Variants in RAB40C observed in about 807,000 individuals in gnomAD.
The protein encoded by RAB40C is RAB40C, member RAS oncogene family.
A neutral mutation model predicts 28.1 loss-of-function variants in RAB40C; 8 were observed. That is an observed-to-expected ratio of 0.28 (90% CI 0.17 to 0.51). The LOEUF is 0.51. Ranked by LOEUF, RAB40C falls within the 20% of genes least tolerant of loss-of-function variation. The pLI is 0.97. For missense variants in RAB40C, 288 were observed against 405.9 expected (o/e 0.71, Z 2.50); for synonymous variants, 201 against 171.7 (o/e 1.17, Z -1.34).
chr16:592,220 G>A (rs139992748), intron 1 of RAB40C, among the ~76,000 whole-genome samples: 1 of 152,250 alleles, frequency 6.6e-6, no homozygotes, highest in African/African-American at 2.4e-5. Flanking sequence ...CTGTCTGACT[G>A]CCCTGAGCGT....
chr16:619,410 G>A (rs535862993), intron 3 of RAB40C, among the ~76,000 whole-genome samples: 10 of 152,286 alleles, frequency 6.6e-5, no homozygotes, highest in Non-Finnish European at 1.3e-4. Flanking sequence ...TGGTGGGTGC[G>A]CTTGGCCACC....
Position 627,616 on chromosome 16 carries a change from C to A in RAB40C, c.840C>A (p.Ile280=), listed in dbSNP as rs186820807. The change falls in exon 6 of 6, where the codon ATC becomes ATA. Residue 280 remains isoleucine (I), a synonymous_variant. Transcript: ENST00000248139. ...ACTGCTCGCGGAGTAACTGCAAGAT[C>A]TCCTAGCGGGGATGGGCGGGGCCGC... is the stretch of plus-strand genomic sequence containing the variant. ...PQNCSRSNCK[I]S 4.4e-6 allele frequency: 7 copies of A among 1,580,882 alleles called. No homozygotes were observed. Among genetic ancestry groups the A allele is most frequent in the Non-Finnish European group, 6.0e-6 (7 of 1,160,984 alleles).
At chr16:625,773 T>C in intron 4 of RAB40C, 126 bp from the exon 5 acceptor site, 6 of 1,031,678 alleles carry the variant, frequency 5.8e-6, no homozygotes, top group Non-Finnish European at 7.1e-6. Context: ...CACCTTGACC[T>C]CCGCCCACCT....
chr16:591,886 C>T (rs1013915269), intron 1 of RAB40C, among the ~76,000 whole-genome samples: 3 of 152,218 alleles, frequency 2.0e-5, no homozygotes, highest in African/African-American at 7.2e-5. Context: ...TGAGCCACTG[C>T]GCCTGGCCTG....
At chr16:618,364 T>G in intron 3 of RAB40C, 104 bp downstream of exon 3, 1 of 1,135,190 alleles carries the variant, frequency 8.8e-7, no homozygotes, top group African/African-American at 1.6e-5. Flanking sequence ...ACTTTCTTTC[T>G]TTATAAGGAT....
Position 590,378 on chromosome 16 carries a change from G to C in RAB40C, c.87G>C (p.Glu29Asp). 2 of 1,597,800 alleles carry C rather than the reference G, an allele frequency of 1.3e-6. No homozygotes were observed. Among genetic ancestry groups the C allele is most frequent in the Non-Finnish European group, 1.7e-6 (2 of 1,173,752 alleles). The stretch of plus-strand genomic sequence containing the variant: ...GCGACAGCGACGTGGGCAAGGGCGA[G>C]ATCCTGGAGAGCCTGCAGGACGGCG... ...LVGDSDVGKG[E>D]ILESLQDGAA... The change falls in exon 1 of 6, where the codon GAG becomes GAC. Residue 29 changes from glutamate (E) to aspartate (D), a missense_variant. Physicochemically the swap from Glu to Asp is conservative, Grantham distance 45. Around this residue, in one of 3 missense-constraint regions of RAB40C, gnomAD observed 78 missense variants for 88.2 expected, o/e 0.88. Coordinates refer to ENST00000248139, the MANE Select transcript of RAB40C (RefSeq NM_021168.5).
At chr16:621,068 C>T (rs912398822) in intron 3 of RAB40C, among the ~76,000 whole-genome samples, 4 of 152,256 alleles carry the variant, frequency 2.6e-5, no homozygotes, top group Admixed American at 6.5e-5. Context: ...GTCTTGTTAA[C>T]TCTGGAAATT....
chr16:609,873 G>T (rs58060434), intron 1 of RAB40C, among the ~76,000 whole-genome samples: 15 of 152,174 alleles, frequency 9.9e-5, no homozygotes, highest in East Asian at 5.8e-4. Context: ...GTGCCTGGAG[G>T]GGGGAGCTGA....
intron 1 of RAB40C, among the ~76,000 whole-genome samples, chr16:607,648 A>G (rs1386991536): frequency 1.5e-5 from 2 of 132,552 alleles, no homozygotes; most frequent in South Asian, 2.4e-4. Flanking sequence ...AAAATTAGGC[A>G]GGCGCGGTGG....
chr16:608,103 GAA>G (rs1457763927), intron 1 of RAB40C, among the ~76,000 whole-genome samples: 1 of 152,200 alleles, frequency 6.6e-6, no homozygotes, highest in East Asian at 1.9e-4. Context: ...CATTTGTAAA[GAA>G]AAGAGGTTTA....
chr16:616,943 G>T, intron 1 of RAB40C: 2 of 474,500 alleles, frequency 4.2e-6, no homozygotes, highest in East Asian at 7.1e-5. Context: ...CTAGGCTGTG[G>T]GGCCCGATGG....
At chr16:619,947 G>A (rs1045511722) in intron 3 of RAB40C, among the ~76,000 whole-genome samples, 28 of 152,232 alleles carry the variant, frequency 1.8e-4, no homozygotes, top group South Asian at 4.1e-4. Context: ...GAGTTCCCTC[G>A]GAGATGTTGG....
chr16:618,333 TGTC>T (rs1357441256), intron 3 of RAB40C, 73 bp downstream of exon 3: 2 of 1,431,490 alleles, frequency 1.4e-6, no homozygotes, highest in Non-Finnish European at 1.9e-6. Context: ...TGTGAGTTGT[TGTC>T]CTGTCAAACT....
At position 626,120 on chromosome 16, in the gene RAB40C, A is replaced by G; in HGVS notation, c.564A>G (p.Arg188=). The G allele has an allele frequency of 6.2e-7, 1 of 1,611,720 alleles. No homozygotes were observed. Among genetic ancestry groups the G allele is most frequent in the South Asian group, 1.1e-5 (1 of 91,046 alleles). The stretch of plus-strand genomic sequence containing the variant: ...TGGAGAAGATCTGGAGGCCCAACCG[A>G]GGTGGGTGGGCGGGCGCCGGCCAGC... The part of the protein sequence containing the change: ...HGMEKIWRPN[R]VFSLQDLCCR... The change falls in exon 5 of 6, where the codon CGA becomes CGG. Residue 188 remains arginine, a splice_region_variant and synonymous_variant. Coordinates refer to ENST00000248139, the MANE Select transcript of RAB40C (RefSeq NM_021168.5).
chr16:616,871 A>G, intron 1 of RAB40C: 1 of 343,970 alleles, frequency 2.9e-6, no homozygotes, highest in East Asian at 5.5e-5. Flanking sequence ...CCTTGCACCC[A>G]GCGCGGGCCA....
At chr16:617,414 G>T (rs1343024106) in intron 2 of RAB40C, 146 bp downstream of exon 2, 2 of 976,906 alleles carry the variant, frequency 2.0e-6, no homozygotes, top group Non-Finnish European at 3.1e-6. Context: ...ACATAGAATG[G>T]ATTTTACTCC....
intron 1 of RAB40C, among the ~76,000 whole-genome samples, chr16:598,914 G>A (rs1047686360): frequency 6.6e-6 from 1 of 152,226 alleles, no homozygotes; most frequent in Non-Finnish European, 1.5e-5. Flanking sequence ...CCAGCAGCGT[G>A]GGTAACCCGG....
At position 590,375 on chromosome 16, in the gene RAB40C, C is replaced by G. The variant is rs1441036529; in HGVS notation, c.84C>G (p.Gly28=). 6.3e-7 allele frequency: 1 copy of G among 1,598,122 alleles called. No homozygotes were observed. The part of the protein sequence containing the change: ...LLVGDSDVGK[G]EILESLQDGA... ...TGGGCGACAGCGACGTGGGCAAGGG[C>G]GAGATCCTGGAGAGCCTGCAGGACG... The change falls in exon 1 of 6, where the codon GGC becomes GGG. Residue 28 remains glycine (G), a synonymous_variant. Transcript: ENST00000248139.
At chr16:623,365 C>G (rs1183352820) in intron 3 of RAB40C, among the ~76,000 whole-genome samples, 1 of 152,292 alleles carries the variant, frequency 6.6e-6, no homozygotes, top group Non-Finnish European at 1.5e-5. Flanking sequence ...AAAAATCATG[C>G]TGGGCCGGGC....
Sources: allele counts gnomAD v4.1 joint callset (sites outside exome capture counted in the v4.1 genomes callset), GRCh38; gene constraint gnomAD v4.1.1; regional missense constraint gnomAD v4.1.1; transcripts MANE v1.5; gene names NCBI Gene and HGNC (gene_info 2026-07-23, HGNC 2026-07-21).